Variants in PLA2G2A observed in about 807,000 individuals in gnomAD.
PLA2G2A encodes the protein phospholipase A2, membrane associated.
PLA2G2A carries 6 observed loss-of-function variants against 11.2 expected under a neutral mutation model. That is an observed-to-expected ratio of 0.54 (90% confidence interval 0.29 to 1.06). The LOEUF (loss-of-function observed/expected upper bound fraction) is 1.06. PLA2G2A is among the 50% of genes least tolerant of loss of function. The probability of loss-of-function intolerance (pLI) is 0.08; values close to 1 mark genes in which losing one functional copy is unlikely to be tolerated. For synonymous variants in PLA2G2A, 69 were observed against 65.8 expected (o/e 1.05, Z -0.23); for missense variants, 133 against 177.1 (o/e 0.75, Z 1.41).
chr1:19,975,657 G>C, downstream of PLA2G2A: 1 of 1,586,930 alleles, frequency 6.3e-7, no homozygotes, highest in Non-Finnish European at 8.7e-7. Context: ...GTATGAGAGA[G>C]GGAAATTCAG....
intron 4 of PLA2G2A, among the ~76,000 whole-genome samples, chr1:19,977,775 A>G (rs2046240132): frequency 6.6e-6 from 1 of 152,188 alleles, no homozygotes; most frequent in Non-Finnish European, 1.5e-5. Context: ...GACTCAGCTT[A>G]GGGGTCACCC....
rs558415351 is a variant in PLA2G2A, at chr1:19,975,863, A to G, written c.293-20T>C. ...GTTTTGCTGAAATCATAAGAAAATA[A>G]ACACAAGATGGGAGTTTATTAATAT... On this transcript the variant is annotated intron_variant, in intron 4 of 4. Coordinates refer to ENST00000482011, the Ensembl canonical transcript of PLA2G2A. 1 of 1,611,136 alleles carries G rather than the reference A, an allele frequency of 6.2e-7. No individual in the cohort carries two copies. Among genetic ancestry groups the G allele is most frequent in the South Asian group, 1.1e-5 (1 of 90,968 alleles).
upstream of PLA2G2A, chr1:19,979,685 A>G (rs529990983): frequency 1.0e-4 from 16 of 152,572 alleles, 1 homozygote; most frequent in African/African-American, 3.4e-4. Context: ...TAGGTGAGGC[A>G]CAAGGCTGGG....
chr1:19,978,908 C>A (rs2046263927), intron 1 of PLA2G2A, 29 bp from the exon 2 acceptor site: 1 of 793,072 alleles, frequency 1.3e-6, no homozygotes, highest in Non-Finnish European at 2.2e-6. Context: ...CTCTCCCATC[C>A]AACCTAAGTC....
intron 4 of PLA2G2A, among the ~76,000 whole-genome samples, chr1:19,976,320 A>G (rs535834205): frequency 1.3e-5 from 2 of 152,302 alleles, no homozygotes; most frequent in African/African-American, 2.4e-5. Context: ...GAGATGCCCA[A>G]AAGGAAAGCC....
intron 1 of PLA2G2A, chr1:19,979,089 T>C (rs2046267413): frequency 8.8e-6 from 4 of 452,906 alleles, no homozygotes; most frequent in Non-Finnish European, 4.1e-6. Context: ...GATACACTAA[T>C]GAGACCTCCC....
chr1:19,978,656 G>A, intron 2 of PLA2G2A, 78 bp downstream of exon 2: 1 of 1,596,896 alleles, frequency 6.3e-7, no homozygotes. Flanking sequence ...CACTGCAATG[G>A]GAGAGAAAAC....
intron 4 of PLA2G2A, among the ~76,000 whole-genome samples, chr1:19,976,739 C>T (rs2046224621): frequency 6.6e-6 from 1 of 152,106 alleles, no homozygotes; most frequent in African/African-American, 2.4e-5. Context: ...ACCTCTCCTC[C>T]CCTTCAGGGC....
At chr1:19,978,572 C>T (rs10732279) in intron 2 of PLA2G2A, 48 bp from the exon 3 acceptor site, 1,240,255 of 1,610,808 alleles carry the variant, frequency 0.77, 479,292 homozygotes, top group East Asian at 0.94. Context: ...TGGGGTTCTG[C>T]GCCCTCCCTC....
upstream of PLA2G2A, chr1:19,980,363 TG>T (rs2046282446): frequency 6.6e-6 from 1 of 152,444 alleles, no homozygotes; most frequent in Non-Finnish European, 1.5e-5. Context: ...CATCCTCACC[TG>T]TTTGGAGACA....
chr1:19,977,208 T>C (rs1182862401), intron 4 of PLA2G2A, among the ~76,000 whole-genome samples: 2 of 152,082 alleles, frequency 1.3e-5, no homozygotes, highest in African/African-American at 4.8e-5. Flanking sequence ...GAAATAGAAC[T>C]GCTCCTCCCC....
At chr1:19,978,860 C>G in exon 2 of PLA2G2A, 1 of 1,234,276 alleles carries the variant, frequency 8.1e-7, no homozygotes, top group Non-Finnish European at 1.2e-6. Flanking sequence ...CCGTCGCTCC[C>G]CTGCTCCTCC....
intron 4 of PLA2G2A, 126 bp from the exon 5 acceptor site, chr1:19,975,969 C>A (rs541747023): frequency 1.3e-6 from 1 of 788,022 alleles, no homozygotes; most frequent in East Asian, 2.7e-5. Context: ...CAAACACCTG[C>A]GCTCCAGATA....
downstream of PLA2G2A, chr1:19,975,593 G>C (rs537898118): frequency 9.8e-7 from 1 of 1,019,204 alleles, no homozygotes; most frequent in Non-Finnish European, 1.6e-6. Context: ...CTCTAGGATG[G>C]GTGAGGGATG....
chr1:19,975,598 G>C (rs928370510), downstream of PLA2G2A: 6 of 1,069,584 alleles, frequency 5.6e-6, no homozygotes, highest in African/African-American at 9.3e-5. Flanking sequence ...GGATGGGTGA[G>C]GGATGCTTTC....
At chr1:19,980,158 C>T (rs1386969292), upstream of PLA2G2A, among the ~76,000 whole-genome samples, 2 of 152,214 alleles carry the variant, frequency 1.3e-5, no homozygotes, top group African/African-American at 4.8e-5. Context: ...CGTGTGCACC[C>T]CACAGTCCAC....
chr1:19,975,830 G>T (rs12567971), exon 5 of PLA2G2A: 2 of 1,614,024 alleles, frequency 1.2e-6, no homozygotes, highest in Non-Finnish European at 8.5e-7. Context: ...GACTTCTGCA[G>T]GAGTCCTGTT....
chr1:19,978,522 G>A (rs200105968), exon 3 of PLA2G2A: 8 of 1,613,492 alleles, frequency 5.0e-6, no homozygotes, highest in Non-Finnish European at 6.8e-6. Context: ...GCCTGCAGTA[G>A]GCCTGGAAGG....
upstream of PLA2G2A, among the ~76,000 whole-genome samples, chr1:19,980,073 TCA>T: frequency 6.6e-6 from 1 of 152,198 alleles, no homozygotes; most frequent in African/African-American, 2.4e-5. Context: ...ACTCATTCAT[TCA>T]GCCGCTCAAT....
Sources: allele counts gnomAD v4.1 joint callset (sites outside exome capture counted in the v4.1 genomes callset), GRCh38; gene constraint gnomAD v4.1.1; transcripts MANE v1.5; gene names NCBI Gene and HGNC (gene_info 2026-07-23, HGNC 2026-07-21).